ASAP1: variants seen among roughly 807,000 people sequenced by gnomAD.
ASAP1 encodes arf-GAP with SH3 domain, ANK repeat and PH domain-containing protein 1.
A neutral mutation model predicts 145.2 loss-of-function variants in ASAP1; 43 were observed. The ratio of observed to expected loss-of-function variants is 0.30; its 90% CI spans 0.23 to 0.38. The LOEUF (loss-of-function observed/expected upper bound fraction) is 0.38, where lower values mean the gene tolerates loss of function less well. Among genes scored for constraint, ASAP1 ranks in the 10% least tolerant of loss-of-function variants. The pLI is 1.00. For missense variants in ASAP1, 1,018 were observed against 1,355.3 expected, an observed-to-expected ratio of 0.75 and a Z score of 3.91; for synonymous variants, 546 against 515.5, an observed-to-expected ratio of 1.06 and a Z score of -0.80.
chr8:130,347,695 T>C (rs1825778819), intron 3 of ASAP1, among the ~76,000 whole-genome samples: 1 of 152,210 alleles, frequency 6.6e-6, no homozygotes, highest in African/African-American at 2.4e-5. Flanking sequence ...GGTGGTCTCC[T>C]GACCCAAGTG....
At chr8:130,142,723 G>A (rs2097615211) in intron 13 of ASAP1, among the ~76,000 whole-genome samples, 1 of 152,190 alleles carries the variant, frequency 6.6e-6, no homozygotes, top group African/African-American at 2.4e-5. Flanking sequence ...AAAGGCCTGG[G>A]GCATAGGAGG....
chr8:130,268,040 G>A (rs1274062887), intron 3 of ASAP1, among the ~76,000 whole-genome samples: 1 of 152,158 alleles, frequency 6.6e-6, no homozygotes, highest in Admixed American at 6.5e-5. Flanking sequence ...TTGGTCACTA[G>A]GAGAAAAGTG....
intron 13 of ASAP1, among the ~76,000 whole-genome samples, chr8:130,144,822 C>T (rs1282855280): frequency 6.6e-6 from 1 of 152,194 alleles, no homozygotes; most frequent in Non-Finnish European, 1.5e-5. Flanking sequence ...ACATTTATCA[C>T]TGTATCTCCC....
chr8:130,420,622 G>A (rs552440189), intron 1 of ASAP1, among the ~76,000 whole-genome samples: 2 of 152,118 alleles, frequency 1.3e-5, no homozygotes, highest in South Asian at 4.2e-4. Context: ...GGCCAGGTGC[G>A]GTGGCTCACA....
chr8:130,116,968 C>A lies in ASAP1; in HGVS notation c.1908G>T (p.Leu636=). The A allele has an allele frequency of 6.2e-7, 1 of 1,610,666 alleles. No homozygotes were observed. Among genetic ancestry groups the A allele is most frequent in the East Asian group, 2.2e-5 (1 of 44,800 alleles). Residue 636 remains leucine (L), a synonymous_variant, in exon 21 of 30, where the codon CTG becomes CTT. Coordinates refer to ENST00000518721, the MANE Select transcript of ASAP1 (RefSeq NM_018482.4). ...NCGNLDKQTA[L]GNTVLHYCSM... is the part of the protein sequence containing the mutation. Reference sequence around the variant, plus strand: ...TACAGTAGTGTAGAACTGTGTTTCCCAGGGCCGTCTGCTTATCCAGGTTCC... The same window carrying A: ...TACAGTAGTGTAGAACTGTGTTTCCAAGGGCCGTCTGCTTATCCAGGTTCC...
intron 5 of ASAP1, among the ~76,000 whole-genome samples, chr8:130,198,785 C>G (rs7006802): frequency 0.035 from 5,303 of 152,294 alleles, 125 homozygotes; most frequent in Middle Eastern, 0.065. Flanking sequence ...CTCTCATTTC[C>G]TCTGTGCTCT....
Position 130,071,007 on chromosome 8 carries a change from GGGGGGA to G in ASAP1, c.2701+5335_2701+5340del, listed in dbSNP as rs2097444716. 1.1e-3 allele frequency among the ~76,000 whole-genome samples: 5 copies of G among 4,620 alleles called. 1 individual carries two copies. Among genetic ancestry groups the G allele is most frequent in the Admixed American group, 3.3e-3 (1 of 302 alleles). The allele number at this position is 4,620 out of a possible 152,430, so 3.0% of individuals were successfully genotyped here. ...GGGGAGAGAGAGAGAGAGAGGGGAGGGGGGGAGAGAGAGAGAGAGAGAGAGAGAGAG... is the reference window on the plus strand; with the variant it reads ...GGGGAGAGAGAGAGAGAGAGGGGAGGGAGAGAGAGAGAGAGAGAGAGAGAG... On this transcript the variant is annotated intron_variant, in intron 27 of 29. Coordinates refer to ENST00000518721, the MANE Select transcript of ASAP1 (RefSeq NM_018482.4).
intron 13 of ASAP1, among the ~76,000 whole-genome samples, chr8:130,145,477 C>T (rs941902367): frequency 6.6e-6 from 1 of 152,116 alleles, no homozygotes; most frequent in African/African-American, 2.4e-5. Flanking sequence ...GCCACCACAC[C>T]CGGCTACTTT....
chr8:130,428,852 T>C (rs75476259), intron 1 of ASAP1, among the ~76,000 whole-genome samples: 2,084 of 152,246 alleles, frequency 0.014, 30 homozygotes, highest in Non-Finnish European at 0.018. Flanking sequence ...GGGCTGTCAT[T>C]AAAAAGTACC....
chr8:130,345,865 C>A (rs1349484692), intron 3 of ASAP1, among the ~76,000 whole-genome samples: 2 of 152,232 alleles, frequency 1.3e-5, no homozygotes, highest in African/African-American at 2.4e-5. Context: ...ACTAGGCCAA[C>A]AGAGGACTGC....
chr8:130,413,882 C>T (rs1291744618), intron 1 of ASAP1, among the ~76,000 whole-genome samples: 1 of 145,566 alleles, frequency 6.9e-6, no homozygotes, highest in African/African-American at 2.6e-5. Flanking sequence ...TTCTATTTTG[C>T]CAGATTCATT....
chr8:130,316,309 C>G (rs1461806158), intron 3 of ASAP1, among the ~76,000 whole-genome samples: 1 of 152,170 alleles, frequency 6.6e-6, no homozygotes, highest in African/African-American at 2.4e-5. Flanking sequence ...GTTTTGGTAT[C>G]CATATTGGTA....
chr8:130,272,414 C>T (rs1586729175), intron 3 of ASAP1, among the ~76,000 whole-genome samples: 1 of 152,112 alleles, frequency 6.6e-6, no homozygotes, highest in Non-Finnish European at 1.5e-5. Context: ...TTAGTACAGT[C>T]GCTGTGAAAA....
intron 11 of ASAP1, among the ~76,000 whole-genome samples, chr8:130,160,290 C>A (rs749466504): frequency 6.6e-6 from 1 of 152,168 alleles, no homozygotes; most frequent in African/African-American, 2.4e-5. Flanking sequence ...ACACTAGCGG[C>A]AGAGGCAAAC....
At chr8:130,378,373 A>G (rs1476362932) in intron 2 of ASAP1, among the ~76,000 whole-genome samples, 1 of 152,248 alleles carries the variant, frequency 6.6e-6, no homozygotes, top group Non-Finnish European at 1.5e-5. Context: ...GAAATCAGGA[A>G]GGACTTCACG....
rs542812548 is a variant in ASAP1 at position 130,197,511 on chromosome 8, T to C, written c.406-9328A>G. Among the ~76,000 whole-genome samples, 6 of 152,250 alleles carry C rather than the reference T, an allele frequency of 3.9e-5. No individual in the cohort carries two copies. In the East Asian group the frequency reaches 1.2e-3, roughly 29 times the overall value. On this transcript the variant is annotated intron_variant, in intron 5 of 29. Transcript: ENST00000518721. ...TCCACTTTATTCCAGGCCACAGAGG[T>C]GGCTCGTTTTACACACAGTCTCATT...
intron 25 of ASAP1, among the ~76,000 whole-genome samples, chr8:130,082,193 C>T (rs1312490177): frequency 2.0e-5 from 3 of 152,088 alleles, no homozygotes; most frequent in Non-Finnish European, 2.9e-5. Flanking sequence ...GATAAACTGG[C>T]ATTACTAGAA....
At chr8:130,419,107 A>T (rs939309548) in intron 1 of ASAP1, among the ~76,000 whole-genome samples, 2 of 152,018 alleles carry the variant, frequency 1.3e-5, no homozygotes, top group African/African-American at 4.8e-5. Flanking sequence ...GCATTGTCTC[A>T]CCCCAGCCAG....
At chr8:130,433,166 G>T (rs948180326) in intron 1 of ASAP1, among the ~76,000 whole-genome samples, 1 of 152,234 alleles carries the variant, frequency 6.6e-6, no homozygotes, top group Non-Finnish European at 1.5e-5. Flanking sequence ...CAGGAGTTCT[G>T]TATCAGTGGA....
Sources: gnomAD v4.1 joint callset for allele counts (sites outside exome capture counted in the v4.1 genomes callset) on GRCh38, gnomAD v4.1.1 for gene constraint, MANE v1.5 for transcripts, NCBI Gene and HGNC (gene_info 2026-07-23, HGNC 2026-07-21) for gene names.